ADAMTS20: variants seen among roughly 807,000 people sequenced by gnomAD.
The protein encoded by ADAMTS20 is ADAM metallopeptidase with thrombospondin type 1 motif 20.
ADAMTS20 carries 225 observed loss-of-function variants against 260.1 expected under a neutral mutation model. That is an observed-to-expected ratio of 0.87 (90% CI 0.78 to 0.97). The LOEUF (loss-of-function observed/expected upper bound fraction) is 0.97. ADAMTS20 is among the 50% of genes least tolerant of loss of function. The pLI, the probability that ADAMTS20 is intolerant of heterozygous loss-of-function variation, is 0.00. For synonymous variants in ADAMTS20, 802 were observed against 769.5 expected (o/e 1.04, Z -0.70); for missense variants, 2,400 against 2,337.7 (o/e 1.03, Z -0.55).
intron 19 of ADAMTS20, chr12:43,433,889 G>A: frequency 2.7e-6 from 1 of 365,574 alleles, no homozygotes; most frequent in Non-Finnish European, 5.3e-6. Flanking sequence ...AAGTTTACTG[G>A]TTCATTAATT....
At chr12:43,430,323 T>G (rs1325891954) in intron 23 of ADAMTS20, 29 bp downstream of exon 23, 1 of 1,596,148 alleles carries the variant, frequency 6.3e-7, no homozygotes, top group Non-Finnish European at 8.5e-7. Flanking sequence ...TCATAAATCT[T>G]TTTGTTTGTA....
chr12:43,464,536 C>T, intron 10 of ADAMTS20, 55 bp downstream of exon 10: 1 of 1,569,694 alleles, frequency 6.4e-7, no homozygotes, highest in African/African-American at 1.4e-5. Context: ...GAAATATATT[C>T]TAAGATAACT....
chr12:43,550,926 T>C lies in ADAMTS20; in HGVS notation c.436A>G (p.Ser146Gly). The C allele has an allele frequency of 1.3e-6, 2 of 1,570,910 alleles. No homozygotes were observed. Among genetic ancestry groups the C allele is most frequent in the South Asian group, 1.2e-5 (1 of 86,134 alleles). The change falls in exon 2 of 39, where the codon AGC becomes GGC. Residue 146 changes from serine (S) to glycine (G), a missense_variant. Ser to Gly is a moderately conservative substitution (Grantham distance 56). Transcript: ENST00000389420. ...ACACTCACCAGGCCTCCGCATAAGC[T>C]GACGACGGCCTTGTAATCCTCCTGT... Reference protein sequence around the residue: ...NSQEDYKAVVSLCGGLTGTFK... With the variant: ...NSQEDYKAVVGLCGGLTGTFK...
Position 43,513,354 on chromosome 12 carries a change from A to G in ADAMTS20, c.614-10949T>C, listed in dbSNP as rs183416015. Among the ~76,000 whole-genome samples, 33 of 152,296 alleles carry G rather than the reference A, an allele frequency of 2.2e-4. 1 individual carries two copies. In the East Asian group the frequency reaches 3.3e-3, roughly 15 times the overall value. On this transcript the variant is annotated intron_variant, in intron 3 of 38. Coordinates refer to ENST00000389420, the MANE Select transcript of ADAMTS20 (RefSeq NM_025003.5). The stretch of plus-strand genomic sequence containing the variant: ...CACACTTCCCTTAAAAGCTGCATGG[A>G]AGATTCCTGCATACATTGGGAACTG...
chr12:43,409,145 A>C (rs1940975283), intron 28 of ADAMTS20, among the ~76,000 whole-genome samples: 1 of 152,194 alleles, frequency 6.6e-6, no homozygotes. Flanking sequence ...TATGGACAAA[A>C]CAAAAATAGA....
chr12:43,411,161 A>G (rs1384848102), intron 28 of ADAMTS20, among the ~76,000 whole-genome samples: 1 of 152,190 alleles, frequency 6.6e-6, no homozygotes, highest in African/African-American at 2.4e-5. Flanking sequence ...TGCAAATTCT[A>G]CCTGAATTAT....
At chr12:43,469,992 G>A (rs932693365) in intron 7 of ADAMTS20, among the ~76,000 whole-genome samples, 3 of 152,044 alleles carry the variant, frequency 2.0e-5, no homozygotes, top group East Asian at 1.9e-4. Flanking sequence ...TCCAGAAAAC[G>A]AGCTTTTTCC....
At chr12:43,499,780 G>A (rs1397525472) in intron 4 of ADAMTS20, among the ~76,000 whole-genome samples, 2 of 152,220 alleles carry the variant, frequency 1.3e-5, no homozygotes, top group East Asian at 3.9e-4. Flanking sequence ...TGGGATTACA[G>A]GCGTGAGCCA....
intron 37 of ADAMTS20, among the ~76,000 whole-genome samples, chr12:43,365,321 A>G (rs185451945): frequency 2.4e-4 from 37 of 152,168 alleles, no homozygotes; most frequent in Non-Finnish European, 5.2e-4. Context: ...AAAAATCAAG[A>G]GTGCTGATAA....
intron 28 of ADAMTS20, among the ~76,000 whole-genome samples, chr12:43,420,813 T>TTTTTTTTTTTTTG (rs1941216124): frequency 7.8e-6 from 1 of 128,386 alleles, no homozygotes; most frequent in Non-Finnish European, 1.6e-5. Flanking sequence ...TTTTTTTTTT[T>TTTTTTTTTTTTTG]TTTTTTTTTT....
At position 43,439,714 on chromosome 12, in the gene ADAMTS20, T is replaced by C. The variant is rs1459294170; in HGVS notation, c.2501A>G (p.His834Arg). 1.2e-6 allele frequency: 2 copies of C among 1,613,566 alleles called. No homozygotes were observed. The highest frequency in any genetic ancestry group is 1.3e-5 in the African/African-American group (1 of 74,894). ...TTCCAAAGGGATATTGAAGGAATAA[T>C]GTACATCAGGGTTGTATAAATTACC... ...CVGNLYNPDV[H>R]YSFNIPLEER... Residue 834 changes from histidine to arginine, a missense_variant, in exon 18 of 39, where the codon CAT (histidine) becomes CGT (arginine). Coordinates refer to ENST00000389420, the MANE Select transcript of ADAMTS20 (RefSeq NM_025003.5).
chr12:43,514,300 C>T (rs1434332499), intron 3 of ADAMTS20, among the ~76,000 whole-genome samples: 2 of 151,638 alleles, frequency 1.3e-5, no homozygotes, highest in African/African-American at 2.4e-5. Flanking sequence ...CAGGATGGCT[C>T]ACGCCTGTAA....
chr12:43,391,713 T>C (rs1175525925), intron 29 of ADAMTS20, among the ~76,000 whole-genome samples: 1 of 152,174 alleles, frequency 6.6e-6, no homozygotes, highest in Non-Finnish European at 1.5e-5. Flanking sequence ...AAGTTCATTA[T>C]TTCTGCAGGA....
chr12:43,399,128 G>A lies in ADAMTS20; in HGVS notation c.4390C>T (p.Pro1464Ser), dbSNP rs554117044. 1 of 1,553,636 alleles carries A rather than the reference G, an allele frequency of 6.4e-7. No individual in the cohort carries two copies. The highest frequency in any genetic ancestry group is 1.2e-5 in the South Asian group (1 of 84,110). The change falls in exon 29 of 39, where the codon CCA (proline) becomes TCA (serine). Residue 1464 changes from proline (P) to serine (S), a missense_variant. Physicochemically the swap from Pro to Ser is moderately conservative, Grantham distance 74. Coordinates refer to ENST00000389420, the MANE Select transcript of ADAMTS20 (RefSeq NM_025003.5). ...DTNCSQVQKPPTHKACRSVRC... is the reference protein window; with the variant it reads ...DTNCSQVQKPSTHKACRSVRC... ...ACAGATCTACAGGCTTTGTGAGTTG[G>A]AGGTTTCTGTACTTGACTGCAATTT...
chr12:43,355,469 CA>C (rs1229025158), intron 38 of ADAMTS20, among the ~76,000 whole-genome samples: 1 of 152,146 alleles, frequency 6.6e-6, no homozygotes, highest in Non-Finnish European at 1.5e-5. Flanking sequence ...AATAAAAACA[CA>C]AATCCTTCAT....
intron 2 of ADAMTS20, among the ~76,000 whole-genome samples, chr12:43,550,073 C>T (rs1943491518): frequency 6.6e-6 from 1 of 152,140 alleles, no homozygotes; most frequent in Non-Finnish European, 1.5e-5. Context: ...AGAGGAGTTA[C>T]TGATGGAGTG....
chr12:43,470,188 T>C (rs1942229208), intron 7 of ADAMTS20, among the ~76,000 whole-genome samples: 1 of 152,178 alleles, frequency 6.6e-6, no homozygotes, highest in Admixed American at 6.5e-5. Flanking sequence ...TTCTCTTTTG[T>C]CAGGATAAGT....
At chr12:43,410,493 G>A in intron 28 of ADAMTS20, among the ~76,000 whole-genome samples, 1 of 152,166 alleles carries the variant, frequency 6.6e-6, no homozygotes, top group East Asian at 1.9e-4. Flanking sequence ...TCAAAGTACA[G>A]TACACTACTT....
At chr12:43,422,321 T>C (rs1214460783) in intron 28 of ADAMTS20, among the ~76,000 whole-genome samples, 3 of 151,974 alleles carry the variant, frequency 2.0e-5, no homozygotes, top group African/African-American at 7.2e-5. Context: ...ATACACACTC[T>C]TAATTTTCTA....
Sources: allele counts gnomAD v4.1 joint callset (sites outside exome capture counted in the v4.1 genomes callset), GRCh38; gene constraint gnomAD v4.1.1; transcripts MANE v1.5; gene names NCBI Gene and HGNC (gene_info 2026-07-23, HGNC 2026-07-21).